The following CCDC181 variants were observed in gnomAD, a reference collection of about 807,000 sequenced individuals.
CCDC181 encodes coiled-coil domain-containing protein 181.
A neutral mutation model predicts 58.7 loss-of-function variants in CCDC181; 35 were observed. The ratio of observed to expected loss-of-function variants is 0.60; its 90% CI spans 0.46 to 0.79. The LOEUF (loss-of-function observed/expected upper bound fraction) is 0.79. Ranked by LOEUF, CCDC181 falls within the 30% of genes least tolerant of loss-of-function variation. The pLI is 0.00. For missense variants in CCDC181, 517 were observed against 583.9 expected (o/e 0.89, Z 1.18); for synonymous variants, 183 against 197.5 (o/e 0.93, Z 0.62).
At chr1:169,455,579 A>T (rs1330914341) in intron 2 of CCDC181, among the ~76,000 whole-genome samples, 1 of 152,146 alleles carries the variant, frequency 6.6e-6, no homozygotes, top group South Asian at 2.1e-4. Flanking sequence ...AAGCAAGAAC[A>T]TGGAGATAGG....
intron 2 of CCDC181, among the ~76,000 whole-genome samples, chr1:169,438,720 A>AG (rs1257410183): frequency 6.6e-6 from 1 of 152,164 alleles, no homozygotes; most frequent in African/African-American, 2.4e-5. Context: ...TCTCTGGTCA[A>AG]GGTGAAGAGC....
chr1:169,403,747 A>G (rs1445092311), intron 4 of CCDC181, among the ~76,000 whole-genome samples: 1 of 152,262 alleles, frequency 6.6e-6, no homozygotes, highest in Non-Finnish European at 1.5e-5. Flanking sequence ...CACAATTAAA[A>G]GAACTGGAGA....
chr1:169,401,657 A>G (rs890467731), intron 4 of CCDC181, among the ~76,000 whole-genome samples: 4 of 152,214 alleles, frequency 2.6e-5, no homozygotes, highest in South Asian at 2.1e-4. Context: ...GTACATCACC[A>G]TCGTCAAAGA....
At chr1:169,409,484 G>T (rs1655843712) in intron 4 of CCDC181, among the ~76,000 whole-genome samples, 1 of 152,164 alleles carries the variant, frequency 6.6e-6, no homozygotes, top group African/African-American at 2.4e-5. Flanking sequence ...TTACCCAGGA[G>T]AACTTCCCCA....
chr1:169,448,413 ATTTTTCTTCAC>A (rs944452295), intron 2 of CCDC181, among the ~76,000 whole-genome samples: 3 of 151,872 alleles, frequency 2.0e-5, no homozygotes, highest in African/African-American at 7.3e-5. Flanking sequence ...TGAGAAAGTA[ATTTTTCTTCAC>A]TTGTGAGAGA....
chr1:169,401,973 A>T (rs1045351189), intron 4 of CCDC181, among the ~76,000 whole-genome samples: 1 of 152,200 alleles, frequency 6.6e-6, no homozygotes, highest in Non-Finnish European at 1.5e-5. Context: ...GACCCGATGG[A>T]GCTGAAAACC....
intron 2 of CCDC181, among the ~76,000 whole-genome samples, chr1:169,456,556 C>A (rs1313615778): frequency 6.6e-6 from 1 of 152,040 alleles, no homozygotes; most frequent in Non-Finnish European, 1.5e-5. Context: ...AAAATGTGTC[C>A]ATTAACAGAT....
chr1:169,455,547 G>A (rs866412580), intron 2 of CCDC181, among the ~76,000 whole-genome samples: 2 of 152,068 alleles, frequency 1.3e-5, no homozygotes, highest in African/African-American at 2.4e-5. Context: ...GTTTTCTTTA[G>A]GAGCAATTCT....
In CCDC181 at chr1:169,421,357, T is replaced by A. The variant is rs1656443390; in HGVS notation, c.1068+6A>T. 6.3e-7 allele frequency: 1 copy of A among 1,590,054 alleles called. No individual in the cohort carries two copies. Among genetic ancestry groups the A allele is most frequent in the East Asian group, 2.2e-5 (1 of 44,744 alleles). On this transcript the variant is annotated splice_donor_region_variant and intron_variant, in intron 3 of 5. Transcript: ENST00000367806. The stretch of plus-strand genomic sequence containing the variant: ...CTTTTAATATAATGCCCACTTAGGT[T>A]CTCACCTCTCTTTTCAGTTTTTCTC...
intron 1 of CCDC181, among the ~76,000 whole-genome samples, chr1:169,425,808 ATAT>A (rs1382516315): frequency 6.6e-6 from 1 of 152,118 alleles, no homozygotes; most frequent in Non-Finnish European, 1.5e-5. Flanking sequence ...AGTTACATAA[ATAT>A]TATAAGAATA....
intron 4 of CCDC181, among the ~76,000 whole-genome samples, chr1:169,403,793 C>A (rs1264792664): frequency 6.6e-6 from 1 of 151,984 alleles, no homozygotes; most frequent in African/African-American, 2.4e-5. Flanking sequence ...TAGCAGAAGG[C>A]AAGAAATAAC....
chr1:169,424,812 T>C lies in CCDC181; in HGVS notation c.116A>G (p.Glu39Gly). Residue 39 changes from glutamate (E) to glycine (G), a missense_variant and splice_region_variant, in exon 2 of 6, where the codon GAG becomes GGG. Coordinates refer to ENST00000367806, the MANE Select transcript of CCDC181 (RefSeq NM_001300969.2). ...ATGAATGCTGTTGGCAATATATACC[T>C]CTATTATGCTGGCATCACTTTTTTC... ...ENEKSDASII[E>G]MACEKEENIN... The C allele has an allele frequency of 2.6e-6, 4 of 1,511,588 alleles. No individual in the cohort carries two copies. Among genetic ancestry groups the C allele is most frequent in the Non-Finnish European group, 3.7e-6 (4 of 1,094,390 alleles). 93.6% of individuals were successfully genotyped at this position (1,511,588 alleles called of 1,614,324 possible).
At chr1:169,441,481 T>C (rs1452823818) in intron 2 of CCDC181, among the ~76,000 whole-genome samples, 1 of 152,108 alleles carries the variant, frequency 6.6e-6, no homozygotes, top group Non-Finnish European at 1.5e-5. Flanking sequence ...TGACATACTT[T>C]GCAATTTTAT....
intron 2 of CCDC181, among the ~76,000 whole-genome samples, chr1:169,454,111 A>C (rs1657621925): frequency 1.3e-5 from 2 of 152,090 alleles, no homozygotes; most frequent in Non-Finnish European, 2.9e-5. Flanking sequence ...TCATTATAAA[A>C]CAAGGCTATT....
intron 2 of CCDC181, among the ~76,000 whole-genome samples, chr1:169,446,756 C>A (rs1176554627): frequency 2.0e-5 from 3 of 152,114 alleles, no homozygotes; most frequent in Non-Finnish European, 4.4e-5. Context: ...AGGTTATATG[C>A]AAATATGACA....
chr1:169,421,112 A>T (rs569635825), intron 3 of CCDC181, among the ~76,000 whole-genome samples: 1 of 152,318 alleles, frequency 6.6e-6, no homozygotes, highest in Admixed American at 6.5e-5. Context: ...AAAGGATCAG[A>T]TGAAGTCATC....
At chr1:169,397,103 T>C in intron 5 of CCDC181, 134 bp downstream of exon 5, 2 of 566,100 alleles carry the variant, frequency 3.5e-6, no homozygotes, top group Non-Finnish European at 2.8e-6. Flanking sequence ...AAAGCATGAA[T>C]TTAAAATTGA....
chr1:169,446,999 T>C (rs976137354), intron 2 of CCDC181, among the ~76,000 whole-genome samples: 3 of 152,240 alleles, frequency 2.0e-5, no homozygotes, highest in African/African-American at 7.2e-5. Flanking sequence ...AGTATTTTGC[T>C]TAATCTCCAA....
chr1:169,443,450 G>T (rs573627800), intron 2 of CCDC181: 44 of 151,958 alleles, frequency 2.9e-4, no homozygotes, highest in African/African-American at 9.2e-4. Flanking sequence ...GAAAAGAAAC[G>T]AAATGAATCA....
Sources: allele counts gnomAD v4.1 joint callset (sites outside exome capture counted in the v4.1 genomes callset), GRCh38; gene constraint gnomAD v4.1.1; transcripts MANE v1.5; gene names NCBI Gene and HGNC (gene_info 2026-07-23, HGNC 2026-07-21).